Variants in BROX observed in about 807,000 individuals in gnomAD.
BROX encodes the protein BRO1 domain and CAAX motif containing, also known as BRO1 domain-containing protein BROX.
In BROX, 53 loss-of-function variants were observed where a neutral mutation model predicts 61.0. The ratio of observed to expected loss-of-function variants is 0.87; its 90% CI spans 0.70 to 1.09. The LOEUF (loss-of-function observed/expected upper bound fraction) is 1.09, where lower values mean the gene tolerates loss of function less well. Among genes scored for constraint, BROX ranks in the 50% least tolerant of loss-of-function variants. BROX has a pLI of 0.00. For missense variants in BROX, 489 were observed against 472.0 expected, an observed-to-expected ratio of 1.04 and a Z score of -0.33; for synonymous variants, 152 against 160.2, an observed-to-expected ratio of 0.95 and a Z score of 0.38.
At chr1:222,732,604 A>G in intron 12 of BROX, 24 bp from the exon 13 acceptor site, 1 of 1,550,020 alleles carries the variant, frequency 6.5e-7, no homozygotes, top group Non-Finnish European at 8.9e-7. Flanking sequence ...TTATGTACTT[A>G]AACTGTGGTT....
chr1:222,722,066 G>A (rs567811114), intron 4 of BROX, among the ~76,000 whole-genome samples: 64 of 152,148 alleles, frequency 4.2e-4, no homozygotes, highest in African/African-American at 1.4e-3. Context: ...TTTGAGAATC[G>A]ACTGAGTACT....
chr1:222,729,407 T>C lies in BROX; in HGVS notation c.757-213T>C, dbSNP rs554904648. Among the ~76,000 whole-genome samples, 18 of 152,318 alleles carry C rather than the reference T, an allele frequency of 1.2e-4. No homozygotes were observed. In the East Asian group the frequency reaches 3.5e-3, roughly 29 times the overall value. On this transcript the variant is annotated intron_variant, in intron 9 of 12. Transcript: ENST00000340934. ...AAATACAGATTTCAGCAAATAACTT[T>C]TTCTCAGTACATGGTTAGAAGGCTG...
chr1:222,718,822 T>C, intron 2 of BROX, 103 bp from the exon 3 acceptor site: 1 of 844,162 alleles, frequency 1.2e-6, no homozygotes, highest in Non-Finnish European at 2.0e-6. Flanking sequence ...CGTGTGTGTA[T>C]GTGTGTGTGT....
At chr1:222,731,273 A>G in intron 11 of BROX, 84 bp from the exon 12 acceptor site, 3 of 1,192,462 alleles carry the variant, frequency 2.5e-6, no homozygotes, top group Non-Finnish European at 3.4e-6. Context: ...TTAAATTGTC[A>G]TTGTCCCAAA....
At chr1:222,725,427 G>T (rs1446260215) in intron 6 of BROX, 23 bp from the exon 7 acceptor site, 4 of 1,524,886 alleles carry the variant, frequency 2.6e-6, no homozygotes, top group Admixed American at 4.2e-5. Flanking sequence ...TTTGTTTTTT[G>T]TCTTTTTTGT....
chr1:222,727,218 G>C lies in BROX; in HGVS notation c.631G>C (p.Ala211Pro). The C allele has an allele frequency of 6.2e-7, 1 of 1,613,638 alleles. No individual in the cohort carries two copies. Among genetic ancestry groups the C allele is most frequent in the Non-Finnish European group, 8.5e-7 (1 of 1,179,776 alleles). The change falls in exon 8 of 13, where the codon GCA (alanine) becomes CCA (proline). Residue 211 changes from alanine to proline, a missense_variant. Coordinates refer to ENST00000340934, the MANE Select transcript of BROX (RefSeq NM_144695.4). ...ELKHAPGLIA[A>P]LAYETANFYQ... is the part of the protein sequence containing the mutation. ...AAAACATGCTCCTGGACTAATTGCT[G>C]CACTGGCGTATGAAACAGCCAATTT...
At chr1:222,725,647 T>C in intron 7 of BROX, 92 bp downstream of exon 7, 3 of 1,014,882 alleles carry the variant, frequency 3.0e-6, no homozygotes, top group Middle Eastern at 2.3e-4. Flanking sequence ...CTGTGGCTTA[T>C]GCATGTAGTC....
In BROX at chr1:222,733,711, A is replaced by G. The variant is rs906095420; in HGVS notation, c.*997A>G. 2 of 152,230 alleles carry G rather than the reference A, an allele frequency of 1.3e-5. No individual in the cohort carries two copies. Among genetic ancestry groups the G allele is most frequent in the African/African-American group, 4.8e-5 (2 of 41,466 alleles). The allele number at this position is 152,230 out of a possible 1,614,324, so 9.4% of individuals were successfully genotyped here. ...GTACCCCTGTGCTTCATTCAGTATCAGTAACCCTGCAATGATTTTTACAAA... is the reference window on the plus strand; with the variant it reads ...GTACCCCTGTGCTTCATTCAGTATCGGTAACCCTGCAATGATTTTTACAAA... On this transcript the variant is annotated 3_prime_UTR_variant, in exon 13 of 13. Coordinates refer to ENST00000340934, the MANE Select transcript of BROX (RefSeq NM_144695.4).
chr1:222,721,639 T>G (rs1418585482), intron 4 of BROX, among the ~76,000 whole-genome samples: 1 of 152,192 alleles, frequency 6.6e-6, no homozygotes, highest in African/African-American at 2.4e-5. Flanking sequence ...CTTATTTGCT[T>G]GATATGCTTT....
At chr1:222,715,919 G>C (rs949682390) in intron 2 of BROX, 119 bp downstream of exon 2, 1 of 596,114 alleles carries the variant, frequency 1.7e-6, no homozygotes, top group African/African-American at 1.9e-5. Context: ...TGACATTTAA[G>C]AGTTAAATCA....
rs149121376 is a variant in BROX, at chr1:222,719,002, C to T, written c.179C>T (p.Ala60Val). 73 of 1,613,368 alleles carry T rather than the reference C, an allele frequency of 4.5e-5. 1 individual carries two copies. Among genetic ancestry groups the T allele is most frequent in the African/African-American group, 4.4e-4 (33 of 74,982 alleles). Residue 60 changes from alanine to valine, a missense_variant, in exon 3 of 13, where the codon GCA (alanine) becomes GTA (valine). Transcript: ENST00000340934. ...LSCNPEMMKN[A>V]ADSYFSLLQG... is the part of the protein sequence containing the mutation. ...TGTAATCCAGAAATGATGAAGAATG[C>T]AGCAGATTCATATTTCTCACTTTTA...
At chr1:222,714,972 A>G (rs925406879) in intron 1 of BROX, among the ~76,000 whole-genome samples, 1 of 152,170 alleles carries the variant, frequency 6.6e-6, no homozygotes, top group Non-Finnish European at 1.5e-5. Context: ...TGGAAAGTAC[A>G]TTTTATTGTA....
At chr1:222,724,918 C>G (rs934226849) in intron 6 of BROX, among the ~76,000 whole-genome samples, 16 of 152,110 alleles carry the variant, frequency 1.1e-4, no homozygotes, top group Admixed American at 3.3e-4. Flanking sequence ...CTCAGCCTCC[C>G]GAGTAGCTGG....
Position 222,731,362 on chromosome 1 carries a change from T to A in BROX, c.995T>A (p.Phe332Tyr), listed in dbSNP as rs1335867920. The part of the protein sequence containing the change: ...KCQRENGFIY[F>Y]QKIPTEAPQL... ...ATTTAAATTATTTTTTGCAGTTACTTTCAAAAAATTCCAACAGAAGCCCCA... is the reference window on the plus strand; with the variant it reads ...ATTTAAATTATTTTTTGCAGTTACTATCAAAAAATTCCAACAGAAGCCCCA... The change falls in exon 12 of 13, where the codon TTT becomes TAT. Residue 332 changes from phenylalanine (F) to tyrosine (Y), a missense_variant. Phe to Tyr is a conservative substitution (Grantham distance 22, BLOSUM62 3). Transcript: ENST00000340934. 1.3e-6 allele frequency: 2 copies of A among 1,560,354 alleles called. No homozygotes were observed. Among genetic ancestry groups the A allele is most frequent in the East Asian group, 2.3e-5 (1 of 43,302 alleles).
At chr1:222,720,248 ACATT>A (rs1460238289) in intron 4 of BROX, among the ~76,000 whole-genome samples, 1 of 152,168 alleles carries the variant, frequency 6.6e-6, no homozygotes, top group East Asian at 1.9e-4. Flanking sequence ...GGCTTATAAG[ACATT>A]CATTAAATGT....
intron 2 of BROX, chr1:222,717,981 C>T (rs977675877): frequency 1.3e-5 from 2 of 152,094 alleles, no homozygotes; most frequent in African/African-American, 4.8e-5. Flanking sequence ...ATTGTAATTT[C>T]GGAAGCCTCA....
intron 6 of BROX, 117 bp from the exon 7 acceptor site, chr1:222,725,333 T>C (rs1657421484): frequency 1.6e-6 from 1 of 624,072 alleles, no homozygotes; most frequent in African/African-American, 1.9e-5. Context: ...ATACTCTGAA[T>C]TTCTGCTAAG....
In BROX at chr1:222,734,567, A is replaced by G. The variant is rs1164183272; in HGVS notation, c.*1853A>G. 6.6e-6 allele frequency: 1 copy of G among 152,222 alleles called. No homozygotes were observed. The allele number at this position is 152,222 out of a possible 1,614,324, so 9.4% of individuals were successfully genotyped here. ...GATATTGGAAGCTGCAGTTTCCAGAATAAGTGGAGTAATAACTAAACAGAC... is the reference window on the plus strand; with the variant it reads ...GATATTGGAAGCTGCAGTTTCCAGAGTAAGTGGAGTAATAACTAAACAGAC... On this transcript the variant is annotated 3_prime_UTR_variant, in exon 13 of 13. Coordinates refer to ENST00000340934, the MANE Select transcript of BROX (RefSeq NM_144695.4).
intron 4 of BROX, among the ~76,000 whole-genome samples, chr1:222,721,902 C>A (rs1159671621): frequency 6.6e-6 from 1 of 152,076 alleles, no homozygotes; most frequent in Non-Finnish European, 1.5e-5. Context: ...GGCATTGTTT[C>A]CTCACCTGGG....
Sources: gnomAD v4.1 joint callset for allele counts (sites outside exome capture counted in the v4.1 genomes callset) on GRCh38, gnomAD v4.1.1 for gene constraint, MANE v1.5 for transcripts, NCBI Gene and HGNC (gene_info 2026-07-23, HGNC 2026-07-21) for gene names.